The following TMEM108 variants were observed in gnomAD, a reference collection of about 807,000 sequenced individuals.
TMEM108 encodes the protein cancer/testis antigen 124.
Under a neutral mutation model 35.1 loss-of-function variants are expected in TMEM108, and 12 were observed. The observed-to-expected ratio is 0.34, with a 90% CI of 0.22 to 0.55. The LOEUF (loss-of-function observed/expected upper bound fraction) is 0.55, where lower values mean the gene tolerates loss of function less well. TMEM108 is among the 20% of genes least tolerant of loss of function. The pLI is 0.89. For synonymous variants in TMEM108, 287 were observed against 308.6 expected, an observed-to-expected ratio of 0.93 and a Z score of 0.73; for missense variants, 680 against 753.3, an observed-to-expected ratio of 0.90 and a Z score of 1.14.
At chr3:133,114,906 C>CT (rs1369480811) in intron 2 of TMEM108, among the ~76,000 whole-genome samples, 2 of 152,024 alleles carry the variant, frequency 1.3e-5, no homozygotes, top group African/African-American at 2.4e-5. Context: ...AGTAGCTTCC[C>CT]TTTTTTTCCC....
At chr3:133,178,236 G>T (rs1211875316) in intron 2 of TMEM108, among the ~76,000 whole-genome samples, 1 of 152,140 alleles carries the variant, frequency 6.6e-6, no homozygotes, top group Non-Finnish European at 1.5e-5. Context: ...TGGCCATACT[G>T]CCCAAGGTAA....
At chr3:133,073,864 G>A (rs76450438) in intron 2 of TMEM108, among the ~76,000 whole-genome samples, 1 of 151,858 alleles carries the variant, frequency 6.6e-6, no homozygotes, top group Admixed American at 6.6e-5. Flanking sequence ...AGTGTAAGAT[G>A]ATATCTCATT....
At position 133,188,736 on chromosome 3, in the gene TMEM108, TA is replaced by T. The variant is rs201430437; in HGVS notation, c.-46-40525del. 8.2e-4 allele frequency among the ~76,000 whole-genome samples: 125 copies of T among 152,300 alleles called. No individual in the cohort carries two copies. The East Asian group carries it at 0.019, about 23-fold the overall frequency. ...GGCTGAGTAATGCTAGTTGCTTTAA[TA>T]AAAAGCCAAAATCTCAGTGGTTTGA... On this transcript the variant is annotated intron_variant, in intron 2 of 5. Transcript: ENST00000321871.
chr3:133,262,400 C>T (rs975571164), intron 3 of TMEM108, among the ~76,000 whole-genome samples: 37 of 152,174 alleles, frequency 2.4e-4, no homozygotes, highest in African/African-American at 8.9e-4. Context: ...GGAAGTTGCC[C>T]TCTGGGCAGA....
intron 2 of TMEM108, among the ~76,000 whole-genome samples, chr3:133,153,966 T>C (rs1469009222): frequency 4.6e-5 from 7 of 152,110 alleles, no homozygotes; most frequent in Admixed American, 4.6e-4. Flanking sequence ...ATGAAGGTGG[T>C]ATATGGAGGA....
intron 3 of TMEM108, among the ~76,000 whole-genome samples, chr3:133,279,412 C>G (rs771183783): frequency 3.9e-5 from 6 of 152,210 alleles, no homozygotes; most frequent in Non-Finnish European, 8.8e-5. Flanking sequence ...AGAATTAGGA[C>G]AGCCTGTCCG....
At chr3:133,090,398 C>T (rs994336975) in intron 2 of TMEM108, among the ~76,000 whole-genome samples, 19 of 152,224 alleles carry the variant, frequency 1.2e-4, no homozygotes, top group African/African-American at 4.3e-4. Context: ...TAAAAGGGAA[C>T]TATTACATAG....
At chr3:133,134,056 C>T (rs1351680267) in intron 2 of TMEM108, among the ~76,000 whole-genome samples, 2 of 151,858 alleles carry the variant, frequency 1.3e-5, no homozygotes, top group African/African-American at 4.8e-5. Flanking sequence ...GCCACCGCTC[C>T]CTGCCTCAGA....
At chr3:133,386,755 A>G (rs1472711363) in intron 4 of TMEM108, 2 of 1,219,148 alleles carry the variant, frequency 1.6e-6, no homozygotes, top group African/African-American at 3.0e-5. Context: ...ACGCTTCTGC[A>G]TATGTCATCT....
At chr3:133,197,968 C>T (rs940881283) in intron 2 of TMEM108, among the ~76,000 whole-genome samples, 2 of 152,188 alleles carry the variant, frequency 1.3e-5, no homozygotes, top group Non-Finnish European at 2.9e-5. Flanking sequence ...ATGGCTTCTC[C>T]TTCTCTTTCA....
At chr3:133,247,843 T>G (rs998532568) in intron 3 of TMEM108, 1 of 152,106 alleles carries the variant, frequency 6.6e-6, no homozygotes, top group African/African-American at 2.4e-5. Flanking sequence ...GAAAAAAGGC[T>G]TCACATAGAA....
chr3:133,146,240 G>A (rs1298163271), intron 2 of TMEM108, among the ~76,000 whole-genome samples: 1 of 152,156 alleles, frequency 6.6e-6, no homozygotes, highest in Non-Finnish European at 1.5e-5. Flanking sequence ...TTTTGTCATT[G>A]GTTCTGTTTA....
intron 2 of TMEM108, among the ~76,000 whole-genome samples, chr3:133,056,527 A>G (rs952365525): frequency 1.3e-5 from 2 of 152,042 alleles, no homozygotes; most frequent in South Asian, 2.1e-4. Flanking sequence ...CCCAGGTTCT[A>G]TTTTCTGCCT....
At chr3:133,228,181 T>C (rs993779278) in intron 2 of TMEM108, among the ~76,000 whole-genome samples, 3 of 124,688 alleles carry the variant, frequency 2.4e-5, no homozygotes, top group African/African-American at 9.5e-5. Flanking sequence ...GTATGAGTTA[T>C]ATCTCAGTAA....
intron 2 of TMEM108, among the ~76,000 whole-genome samples, chr3:133,113,306 A>T (rs1223751190): frequency 6.6e-6 from 1 of 152,084 alleles, no homozygotes; most frequent in Non-Finnish European, 1.5e-5. Context: ...TAATGCATAA[A>T]CCCAACATTT....
In TMEM108 at chr3:133,357,008, G is replaced by A. The variant is rs2072192653; in HGVS notation, c.41-22744G>A. Among the ~76,000 whole-genome samples, 5 of 151,892 alleles carry A rather than the reference G, an allele frequency of 3.3e-5. No homozygotes were observed. In the South Asian group the frequency reaches 1.0e-3, roughly 31 times the overall value. On this transcript the variant is annotated intron_variant, in intron 3 of 5. Coordinates refer to ENST00000321871, the MANE Select transcript of TMEM108 (RefSeq NM_023943.4). ...AAGCTTCTACACAGTAAAATAGGCA[G>A]TGTAAACAGACAGTATTTGCAAACT...
chr3:133,177,135 A>G (rs1351726354), intron 2 of TMEM108, among the ~76,000 whole-genome samples: 4 of 152,242 alleles, frequency 2.6e-5, no homozygotes, highest in Admixed American at 6.5e-5. Context: ...GAATCTCTGA[A>G]TAGACCAATA....
rs76813647 is a variant in TMEM108 at position 133,391,467 on chromosome 3, G to A, written c.1605+1133G>A. 2.0e-3 allele frequency among the ~76,000 whole-genome samples: 299 copies of A among 152,186 alleles called. 6 individuals are homozygous for A. The East Asian group carries it at 0.053, about 27-fold the overall frequency. On this transcript the variant is annotated intron_variant, in intron 5 of 5. Coordinates refer to ENST00000321871, the MANE Select transcript of TMEM108 (RefSeq NM_023943.4). ...TTGTAAACATAACTGTGGTCACATCGCTCACATGCTTAAAACCTTCTCATT... is the reference window on the plus strand; with the variant it reads ...TTGTAAACATAACTGTGGTCACATCACTCACATGCTTAAAACCTTCTCATT...
chr3:133,126,470 C>T (rs1044067697), intron 2 of TMEM108, among the ~76,000 whole-genome samples: 3 of 150,172 alleles, frequency 2.0e-5, no homozygotes, highest in African/African-American at 4.9e-5. Context: ...TTGTCCCCGC[C>T]CCCCCCAGAA....
Sources: gnomAD v4.1 joint callset for allele counts (sites outside exome capture counted in the v4.1 genomes callset) on GRCh38, gnomAD v4.1.1 for gene constraint, MANE v1.5 for transcripts, NCBI Gene and HGNC (gene_info 2026-07-23, HGNC 2026-07-21) for gene names.